The following E2F5 variants were observed in gnomAD, a reference collection of about 807,000 sequenced individuals.
E2F5 encodes transcription factor E2F5.
E2F5 carries 23 observed loss-of-function variants against 39.1 expected under a neutral mutation model. The observed-to-expected ratio is 0.59, with a 90% CI of 0.42 to 0.83. The LOEUF is 0.83. Ranked by LOEUF, E2F5 falls within the 40% of genes least tolerant of loss-of-function variation. The pLI is 0.00. For synonymous variants in E2F5, 145 were observed against 157.8 expected (o/e 0.92, Z 0.61); for missense variants, 365 against 406.7 (o/e 0.90, Z 0.88).
intron 7 of E2F5, 107 bp from the exon 8 acceptor site, chr8:85,213,639 ATACACAT>A (rs1318342188): frequency 1.7e-5 from 9 of 519,490 alleles, no homozygotes; most frequent in African/African-American, 1.4e-4. Context: ...ATATTTCAAA[ATACACAT>A]TACACAAGAC....
At chr8:85,188,721 A>T (rs771982817) in intron 1 of E2F5, among the ~76,000 whole-genome samples, 1 of 152,088 alleles carries the variant, frequency 6.6e-6, no homozygotes, top group Non-Finnish European at 1.5e-5. Flanking sequence ...CTGGATCTAG[A>T]GCTTCAGTCT....
Position 85,177,636 on chromosome 8 carries a change from C to A in E2F5, c.216C>A (p.Gly72=). ...FVSLLQEAKD[G]VLDLKAAADT... ...CGCTGCTGCAGGAGGCCAAGGACGGCGTTCTGGATCTCAAAGCGGTGAGCT... is the reference window on the plus strand; with the variant it reads ...CGCTGCTGCAGGAGGCCAAGGACGGAGTTCTGGATCTCAAAGCGGTGAGCT... The change falls in exon 1 of 8, where the codon GGC becomes GGA. Residue 72 remains glycine, a synonymous_variant. Transcript: ENST00000416274. 1 of 1,294,492 alleles carries A rather than the reference C, an allele frequency of 7.7e-7. No individual in the cohort carries two copies. 80.2% of individuals were successfully genotyped at this position (1,294,492 alleles called of 1,614,324 possible).
rs1303888932 is a variant in E2F5 at position 85,214,025 on chromosome 8, T to C, written c.*163T>C. ...TCTTTACTTCACAAAACTTCAACCA[T>C]AAAAACAAAGGGCTCTGATTGCTTT... On this transcript the variant is annotated 3_prime_UTR_variant, in exon 8 of 8. Coordinates refer to ENST00000416274, the MANE Select transcript of E2F5 (RefSeq NM_001951.4). 4 of 598,610 alleles carry C rather than the reference T, an allele frequency of 6.7e-6. No individual in the cohort carries two copies. The highest frequency in any genetic ancestry group is 1.2e-5 in the Non-Finnish European group (4 of 341,134). 37.1% of individuals were successfully genotyped at this position (598,610 alleles called of 1,614,324 possible). A position where few individuals can be genotyped will look rare whatever the true frequency, so the allele number is the denominator to read the frequency against.
intron 1 of E2F5, among the ~76,000 whole-genome samples, chr8:85,180,083 A>T (rs1381649053): frequency 2.0e-5 from 3 of 150,010 alleles, no homozygotes; most frequent in African/African-American, 7.4e-5. Flanking sequence ...GTGCAGTGGC[A>T]GATCTCTGCT....
chr8:85,190,312 C>A (rs1232940121), intron 1 of E2F5, among the ~76,000 whole-genome samples: 1 of 151,878 alleles, frequency 6.6e-6, no homozygotes, highest in Non-Finnish European at 1.5e-5. Flanking sequence ...CTGGCCACTT[C>A]TCCAAACCGT....
chr8:85,203,093 G>C lies in E2F5; in HGVS notation c.345-1G>C, dbSNP rs1198008665. On this transcript the variant is annotated splice_acceptor_variant, in intron 2 of 7. Transcript: ENST00000416274. LOFTEE classifies it high-confidence loss of function. ...GATATTAATTCTCATATGTTTTTAA[G>C]AGGTGTAGGTGCTGGCTGTAATACT... 6.7e-7 allele frequency: 1 copy of C among 1,493,178 alleles called. No individual in the cohort carries two copies. The highest frequency in any genetic ancestry group is 1.4e-5 in the African/African-American group (1 of 70,962). The allele number at this position is 1,493,178 out of a possible 1,614,324, so 92.5% of individuals were successfully genotyped here. A position where few individuals can be genotyped will look rare whatever the true frequency, so the allele number is the denominator to read the frequency against.
chr8:85,190,117 A>G (rs1363057379), intron 1 of E2F5, among the ~76,000 whole-genome samples: 2 of 151,808 alleles, frequency 1.3e-5, no homozygotes, highest in Non-Finnish European at 2.9e-5. Context: ...TCGTCTATGC[A>G]CTCCCTCTTA....
intron 1 of E2F5, among the ~76,000 whole-genome samples, chr8:85,199,254 G>T (rs1354720874): frequency 6.6e-6 from 1 of 151,968 alleles, no homozygotes; most frequent in Non-Finnish European, 1.5e-5. Context: ...CTTCGTGCTT[G>T]CTGCTTCCTC....
intron 1 of E2F5, among the ~76,000 whole-genome samples, chr8:85,179,752 C>T (rs1208393093): frequency 2.0e-5 from 3 of 151,096 alleles, no homozygotes; most frequent in South Asian, 2.1e-4. Context: ...CTCCGCCTCC[C>T]GGGTTCACGC....
chr8:85,180,910 T>G (rs1285408872), intron 1 of E2F5, among the ~76,000 whole-genome samples: 1 of 141,220 alleles, frequency 7.1e-6, no homozygotes, highest in Non-Finnish European at 1.6e-5. Context: ...CAGGGTCTTA[T>G]TCTGTCGCCC....
In E2F5 at chr8:85,180,693, T is replaced by G. The variant is rs4150845; in HGVS notation, c.234+3039T>G. Among the ~76,000 whole-genome samples, 871 of 145,018 alleles carry G rather than the reference T, an allele frequency of 6.0e-3. 20 individuals carry two copies. The highest frequency in any genetic ancestry group is 0.044 in the East Asian group (198 of 4,494). On this transcript the variant is annotated intron_variant, in intron 1 of 7. Coordinates refer to ENST00000416274, the MANE Select transcript of E2F5 (RefSeq NM_001951.4). The stretch of plus-strand genomic sequence containing the variant: ...CCCGGGTTCATGCCATTCTCCTGCC[T>G]CAGCCTCCCGAGTAGCTGGGACTAC...
intron 1 of E2F5, among the ~76,000 whole-genome samples, chr8:85,185,378 A>G (rs1437415408): frequency 1.3e-5 from 2 of 152,228 alleles, no homozygotes; most frequent in Non-Finnish European, 2.9e-5. Flanking sequence ...TGGATGAAAG[A>G]CTTAAACGTA....
At chr8:85,194,839 TTTATTA>T (rs953203466) in intron 1 of E2F5, among the ~76,000 whole-genome samples, 17 of 150,954 alleles carry the variant, frequency 1.1e-4, no homozygotes, top group African/African-American at 4.1e-4. Context: ...GGCCCTGTTA[TTTATTA>T]TTATTATTAT....
intron 7 of E2F5, 31 bp downstream of exon 7, chr8:85,212,235 T>C (rs749464145): frequency 2.0e-6 from 3 of 1,467,178 alleles, no homozygotes; most frequent in African/African-American, 1.4e-5. Flanking sequence ...CTAACTCACT[T>C]ATCAGTAATG....
Position 85,213,932 on chromosome 8 carries a change from A to G in E2F5, c.*70A>G. 5 of 871,078 alleles carry G rather than the reference A, an allele frequency of 5.7e-6. No individual in the cohort carries two copies. The highest frequency in any genetic ancestry group is 9.2e-6 in the Non-Finnish European group (5 of 542,160). The allele number at this position is 871,078 out of a possible 1,614,324, so 54.0% of individuals were successfully genotyped here. A position where few individuals can be genotyped will look rare whatever the true frequency, so the allele number is the denominator to read the frequency against. On this transcript the variant is annotated 3_prime_UTR_variant, in exon 8 of 8. Coordinates refer to ENST00000416274, the MANE Select transcript of E2F5 (RefSeq NM_001951.4). ...CATTTTAGACTTCTTAATAACCTAA[A>G]TATTTAAAATAATGAATGTAACACC...
intron 1 of E2F5, among the ~76,000 whole-genome samples, chr8:85,197,981 A>G (rs1049705920): frequency 6.6e-6 from 1 of 152,092 alleles, no homozygotes; most frequent in African/African-American, 2.4e-5. Flanking sequence ...GCTTTTTTAT[A>G]TGAATATTTT....
chr8:85,177,598 A>T lies in E2F5; in HGVS notation c.178A>T (p.Thr60Ser). 1.5e-6 allele frequency: 2 copies of T among 1,294,974 alleles called. No individual in the cohort carries two copies. The highest frequency in any genetic ancestry group is 2.0e-6 in the Non-Finnish European group (2 of 1,016,870). The allele number at this position is 1,294,974 out of a possible 1,614,324, so 80.2% of individuals were successfully genotyped here. ...RHEKSLGLLT[T>S]KFVSLLQEAK... ...CGAGAAGAGCCTGGGGCTGCTCACTACCAAGTTCGTGTCGCTGCTGCAGGA... is the reference window on the plus strand; with the variant it reads ...CGAGAAGAGCCTGGGGCTGCTCACTTCCAAGTTCGTGTCGCTGCTGCAGGA... The change falls in exon 1 of 8, where the codon ACC becomes TCC. Residue 60 changes from threonine (T) to serine (S), a missense_variant. Physicochemically the swap from Thr to Ser is moderately conservative, Grantham distance 58. Transcript: ENST00000416274.
chr8:85,208,853 C>T (rs959310264), intron 5 of E2F5, among the ~76,000 whole-genome samples: 2 of 152,080 alleles, frequency 1.3e-5, no homozygotes, highest in Non-Finnish European at 2.9e-5. Context: ...TGGGCCCTGA[C>T]CTATTATATA....
At chr8:85,202,277 C>G (rs1812713513) in intron 2 of E2F5, 21 bp downstream of exon 2, 1 of 1,498,798 alleles carries the variant, frequency 6.7e-7, no homozygotes, top group Non-Finnish European at 9.0e-7. Context: ...AACCAGCACC[C>G]TCTTCTGAAA....
Sources: gnomAD v4.1 joint callset for allele counts (sites outside exome capture counted in the v4.1 genomes callset) on GRCh38, gnomAD v4.1.1 for gene constraint, MANE v1.5 for transcripts, NCBI Gene and HGNC (gene_info 2026-07-23, HGNC 2026-07-21) for gene names.